Variants in OXCT1 observed in about 807,000 individuals in gnomAD.
The protein encoded by OXCT1 is 3-oxoacid CoA-transferase 1.
A neutral mutation model predicts 69.6 loss-of-function variants in OXCT1; 27 were observed. The observed-to-expected ratio is 0.39, with a 90% confidence interval of 0.29 to 0.54. OXCT1 has a LOEUF of 0.54. Ranked by LOEUF, OXCT1 falls within the 20% of genes least tolerant of loss-of-function variation. OXCT1 has a pLI of 0.72. For missense variants in OXCT1, 437 were observed against 650.2 expected, an observed-to-expected ratio of 0.67 and a Z score of 3.57; for synonymous variants, 202 against 217.8, an observed-to-expected ratio of 0.93 and a Z score of 0.64.
intron 13 of OXCT1, among the ~76,000 whole-genome samples, chr5:41,785,362 T>C (rs868859485): frequency 1.3e-5 from 2 of 152,182 alleles, no homozygotes; most frequent in African/African-American, 4.8e-5. Flanking sequence ...AGAACCATAG[T>C]TGGAAAACAC....
intron 13 of OXCT1, among the ~76,000 whole-genome samples, chr5:41,772,789 T>C (rs867213577): frequency 6.6e-6 from 1 of 152,100 alleles, no homozygotes; most frequent in African/African-American, 2.4e-5. Context: ...ACCCAGTGCT[T>C]TTCATATGTG....
In OXCT1 at chr5:41,870,377, G is replaced by C. The variant is rs1177390927; in HGVS notation, c.-19C>G. 1 of 1,605,402 alleles carries C rather than the reference G, an allele frequency of 6.2e-7. No homozygotes were observed. Among genetic ancestry groups the C allele is most frequent in the Non-Finnish European group, 8.5e-7 (1 of 1,174,044 alleles). ...CCGCCATCTTCGGGCGGTGAGGCAG[G>C]AGGAGGCTGCGGGTTGGAGCGCGCG... is the stretch of plus-strand genomic sequence containing the variant. On this transcript the variant is annotated 5_prime_UTR_variant, in exon 1 of 17. Transcript: ENST00000196371. The surrounding 1 kb of genome is among the most constrained non-coding windows in gnomAD (Gnocchi z 4.2).
rs925718575 is a variant in OXCT1, at chr5:41,767,321, TA to T, written c.1249-5122del. 8.3e-4 allele frequency among the ~76,000 whole-genome samples: 127 copies of T among 152,138 alleles called. 1 individual carries two copies. The highest frequency in any genetic ancestry group is 2.8e-3 in the African/African-American group (117 of 41,534). ...AGGTGAATTGATTATGTAAACCAAC[TA>T]ATATGGAACGAGAAATATAATTATA... On this transcript the variant is annotated intron_variant, in intron 13 of 16. Transcript: ENST00000196371.
intron 13 of OXCT1, among the ~76,000 whole-genome samples, chr5:41,767,722 G>GTGTGTATA (rs1554011237): frequency 1.1e-5 from 1 of 89,970 alleles, no homozygotes; most frequent in Admixed American, 1.3e-4. Flanking sequence ...ATATGTGTGT[G>GTGTGTATA]TATATATATA....
chr5:41,780,486 ACT>A (rs903959249), intron 13 of OXCT1, among the ~76,000 whole-genome samples: 8 of 152,290 alleles, frequency 5.3e-5, no homozygotes, highest in African/African-American at 1.9e-4. Flanking sequence ...TTAAGTTAAA[ACT>A]CTAATTCATC....
intron 7 of OXCT1, among the ~76,000 whole-genome samples, chr5:41,834,239 A>G (rs529813111): frequency 6.6e-6 from 1 of 152,172 alleles, no homozygotes; most frequent in South Asian, 2.1e-4. Flanking sequence ...GAAGGAAGGA[A>G]AGAAGAAAGA....
chr5:41,849,917 T>C (rs1377484756), intron 5 of OXCT1, 113 bp downstream of exon 5: 2 of 1,065,954 alleles, frequency 1.9e-6, no homozygotes, highest in African/African-American at 1.6e-5. Flanking sequence ...TGAAAATGAA[T>C]GAGTGCTTTT....
At chr5:41,788,866 A>G (rs1745778029) in intron 13 of OXCT1, among the ~76,000 whole-genome samples, 1 of 152,212 alleles carries the variant, frequency 6.6e-6, no homozygotes, top group South Asian at 2.1e-4. Flanking sequence ...AAAATAGCCT[A>G]CATTCTGGGC....
At chr5:41,770,710 G>A (rs1197907470) in intron 13 of OXCT1, among the ~76,000 whole-genome samples, 1 of 152,000 alleles carries the variant, frequency 6.6e-6, no homozygotes, top group Admixed American at 6.6e-5. Flanking sequence ...TACCACTTCT[G>A]TTTTCTTTCA....
intron 13 of OXCT1, among the ~76,000 whole-genome samples, chr5:41,773,628 T>C (rs7712274): frequency 0.56 from 50,539 of 91,032 alleles, 11,114 homozygotes; most frequent in African/African-American, 0.72. Context: ...CCCACCCCTC[T>C]GCCAAAAAAA....
In OXCT1 at chr5:41,762,251, G is replaced by T; in HGVS notation, c.1249-51C>A. The stretch of plus-strand genomic sequence containing the variant: ...TGTATCTTTCACTTCTTTTGTATGT[G>T]ACAGAACAAAATTAACTTGCAAAAA... On this transcript the variant is annotated intron_variant, in intron 13 of 16. Coordinates refer to ENST00000196371, the MANE Select transcript of OXCT1 (RefSeq NM_000436.4). The surrounding 1 kb of genome is among the most constrained non-coding windows in gnomAD (Gnocchi z 4.0). 7.2e-7 allele frequency: 1 copy of T among 1,383,684 alleles called. No individual in the cohort carries two copies. The highest frequency in any genetic ancestry group is 1.0e-6 in the Non-Finnish European group (1 of 969,898). The allele number at this position is 1,383,684 out of a possible 1,614,324, so 85.7% of individuals were successfully genotyped here.
At chr5:41,867,512 T>C (rs1024041238) in intron 1 of OXCT1, among the ~76,000 whole-genome samples, 1 of 152,166 alleles carries the variant, frequency 6.6e-6, no homozygotes, top group African/African-American at 2.4e-5. Context: ...GAGGCACACA[T>C]ATGACACTTG....
At chr5:41,832,264 C>T (rs1748134459) in intron 7 of OXCT1, among the ~76,000 whole-genome samples, 1 of 152,138 alleles carries the variant, frequency 6.6e-6, no homozygotes, top group African/African-American at 2.4e-5. Flanking sequence ...TGACCCACCA[C>T]AGTCCCAGTG....
intron 14 of OXCT1, among the ~76,000 whole-genome samples, chr5:41,752,711 C>A (rs1399395104): frequency 6.6e-6 from 1 of 152,062 alleles, no homozygotes; most frequent in Non-Finnish European, 1.5e-5. Context: ...CATGCCATTG[C>A]ACTCCAGCTT....
At chr5:41,783,853 T>C (rs377384966) in intron 13 of OXCT1, among the ~76,000 whole-genome samples, 9 of 152,172 alleles carry the variant, frequency 5.9e-5, no homozygotes, top group African/African-American at 2.2e-4. Context: ...GTTCAAAATA[T>C]ATCATATGAA....
chr5:41,846,446 A>G (rs1440778366), intron 5 of OXCT1, among the ~76,000 whole-genome samples: 1 of 148,860 alleles, frequency 6.7e-6, no homozygotes, highest in Non-Finnish European at 1.5e-5. Context: ...CCATGTCCCT[A>G]CAAAGGACAT....
intron 6 of OXCT1, among the ~76,000 whole-genome samples, chr5:41,841,348 C>A (rs1194109465): frequency 6.6e-6 from 1 of 152,126 alleles, no homozygotes; most frequent in Non-Finnish European, 1.5e-5. Context: ...AAGGAGCCCT[C>A]GTGAACTTTC....
intron 16 of OXCT1, 128 bp downstream of exon 16, chr5:41,739,262 T>C (rs574746998): frequency 1.4e-6 from 1 of 712,840 alleles, no homozygotes; most frequent in Non-Finnish European, 2.6e-6. Flanking sequence ...CCCTTCCTTC[T>C]ACTCCTGTTC....
intron 7 of OXCT1, among the ~76,000 whole-genome samples, chr5:41,828,508 G>C (rs1473452802): frequency 6.6e-6 from 1 of 152,112 alleles, no homozygotes; most frequent in Non-Finnish European, 1.5e-5. Flanking sequence ...CTAATAAAAT[G>C]AGTCCATCAA....
Sources: gnomAD v4.1 joint callset for allele counts (sites outside exome capture counted in the v4.1 genomes callset) on GRCh38, gnomAD v4.1.1 for gene constraint, Gnocchi (gnomAD v3.1) non-coding constraint, MANE v1.5 for transcripts, NCBI Gene and HGNC (gene_info 2026-07-23, HGNC 2026-07-21) for gene names.